NPR3: variants seen among roughly 807,000 people sequenced by gnomAD.
NPR3 encodes natriuretic peptide receptor 3.
A neutral mutation model predicts 54.5 loss-of-function variants in NPR3; 34 were observed. The ratio of observed to expected loss-of-function variants is 0.62; its 90% confidence interval spans 0.47 to 0.83. The LOEUF is 0.83. Among genes scored for constraint, NPR3 ranks in the 40% least tolerant of loss-of-function variants. The pLI is 0.00. For synonymous variants in NPR3, 289 were observed against 297.1 expected (o/e 0.97, Z 0.28); for missense variants, 674 against 720.8 (o/e 0.94, Z 0.74).
At chr5:32,731,133 T>C (rs1739427702) in intron 2 of NPR3, among the ~76,000 whole-genome samples, 1 of 152,224 alleles carries the variant, frequency 6.6e-6, no homozygotes, top group Admixed American at 6.5e-5. Context: ...TAAGAAGCCA[T>C]ACTATATGAC....
intron 1 of NPR3, among the ~76,000 whole-genome samples, chr5:32,715,433 A>G (rs1738493648): frequency 1.3e-5 from 2 of 152,210 alleles, no homozygotes; most frequent in Admixed American, 6.5e-5. Flanking sequence ...ATCTCAAATA[A>G]TAATGCGACT....
At chr5:32,760,959 G>A (rs577769050) in intron 3 of NPR3, among the ~76,000 whole-genome samples, 53 of 152,048 alleles carry the variant, frequency 3.5e-4, no homozygotes, top group Middle Eastern at 6.8e-3. Context: ...AGGTGCCTTC[G>A]TCAAAACTCA....
At chr5:32,751,997 T>C (rs546645990) in intron 3 of NPR3, among the ~76,000 whole-genome samples, 23 of 151,332 alleles carry the variant, frequency 1.5e-4, no homozygotes, top group Non-Finnish European at 2.9e-4. Flanking sequence ...AGGTCGGGAG[T>C]TCAAGACCAG....
At chr5:32,756,480 T>C (rs927010913) in intron 3 of NPR3, among the ~76,000 whole-genome samples, 4 of 152,196 alleles carry the variant, frequency 2.6e-5, no homozygotes, top group Non-Finnish European at 5.9e-5. Context: ...TTTGTTTGAG[T>C]TCTTTGTAGA....
At chr5:32,751,632 A>T (rs1390510025) in intron 3 of NPR3, among the ~76,000 whole-genome samples, 1 of 152,208 alleles carries the variant, frequency 6.6e-6, no homozygotes, top group Non-Finnish European at 1.5e-5. Context: ...AATTAAACAA[A>T]TACCCCAGTA....
chr5:32,699,552 A>T (rs1275404805), intron 1 of NPR3, among the ~76,000 whole-genome samples: 3 of 152,196 alleles, frequency 2.0e-5, no homozygotes, highest in Non-Finnish European at 4.4e-5. Flanking sequence ...TATGATTGAG[A>T]ACATGCAGTG....
intron 1 of NPR3, among the ~76,000 whole-genome samples, chr5:32,696,157 T>C (rs1030745600): frequency 6.6e-6 from 1 of 152,180 alleles, no homozygotes; most frequent in Non-Finnish European, 1.5e-5. Flanking sequence ...GTTTGAGGTC[T>C]CAGATTTGAT....
chr5:32,723,775 G>T (rs1738990782), intron 1 of NPR3, among the ~76,000 whole-genome samples: 1 of 152,046 alleles, frequency 6.6e-6, no homozygotes. Flanking sequence ...TTCATTTAGA[G>T]TTTCATCAAT....
In NPR3 at chr5:32,725,153, T is replaced by C. The variant is rs141891534; in HGVS notation, c.892+333T>C. Among the ~76,000 whole-genome samples the C allele has an allele frequency of 9.2e-3, 1,398 of 152,224 alleles. 20 individuals carry two copies. Among genetic ancestry groups the C allele is most frequent in the African/African-American group, 0.032 (1,329 of 41,526 alleles). ...GTGGGGGTGGGTTAAAAAACCCTGT[T>C]GGGTACTACGTTCACCACCTGGGTG... On this transcript the variant is annotated intron_variant, in intron 2 of 7. Coordinates refer to ENST00000265074, the MANE Select transcript of NPR3 (RefSeq NM_001204375.2).
At chr5:32,713,059 G>A (rs1443331403) in intron 1 of NPR3, 2 of 565,494 alleles carry the variant, frequency 3.5e-6, no homozygotes, top group African/African-American at 4.1e-5. Context: ...TGTTTCCACA[G>A]ACCCCAGGTT....
chr5:32,716,307 T>C (rs775976876), intron 1 of NPR3: 1 of 409,980 alleles, frequency 2.4e-6, no homozygotes, highest in Non-Finnish European at 4.8e-6. Flanking sequence ...CATTTTTCAC[T>C]CTCAATTCTT....
chr5:32,778,158 A>G (rs993631342), intron 4 of NPR3, among the ~76,000 whole-genome samples: 3 of 151,976 alleles, frequency 2.0e-5, no homozygotes, highest in African/African-American at 7.3e-5. Flanking sequence ...TGATGTCTCT[A>G]TTCTAGGGCC....
chr5:32,758,980 A>C (rs139045668), intron 3 of NPR3, among the ~76,000 whole-genome samples: 1,680 of 152,122 alleles, frequency 0.011, 31 homozygotes, highest in African/African-American at 0.039. Context: ...AGTTTGTTAT[A>C]ATTTCTGTTC....
chr5:32,691,116 T>G (rs558617357), intron 1 of NPR3, among the ~76,000 whole-genome samples: 2 of 152,336 alleles, frequency 1.3e-5, no homozygotes, highest in East Asian at 3.9e-4. Flanking sequence ...AAATGGTTGC[T>G]GTTTTAAGAT....
At chr5:32,709,787 C>A (rs1408878211), upstream of NPR3, 2 of 151,930 alleles carry the variant, frequency 1.3e-5, no homozygotes, top group African/African-American at 4.8e-5. Context: ...CCCCAGAAAC[C>A]CCAGTTTGCC....
At chr5:32,716,996 A>AAACCCCCCCC (rs1561079842) in intron 1 of NPR3, among the ~76,000 whole-genome samples, 2 of 109,668 alleles carry the variant, frequency 1.8e-5, no homozygotes, top group African/African-American at 3.7e-5. Flanking sequence ...CCATCCCCCA[A>AAACCCCCCCC]CCCCCCCACC....
At position 32,696,443 on chromosome 5, in the gene NPR3, C is replaced by CT. The variant is rs980641313; in HGVS notation, c.100+7268dup. On this transcript the variant is annotated intron_variant, in intron 1 of 5. Coordinates refer to the NPR3 transcript ENST00000509104. ...AAGTCAGGTAATGTGATTCTTCCAGCTTTTTTTTTTTCTTTTTGCTTAGGA... is the reference window on the plus strand; with the variant it reads ...AAGTCAGGTAATGTGATTCTTCCAGCTTTTTTTTTTTTCTTTTTGCTTAGGA... 2.5e-3 allele frequency among the ~76,000 whole-genome samples: 370 copies of CT among 147,252 alleles called. 2 individuals are homozygous for CT. Among genetic ancestry groups the CT allele is most frequent in the African/African-American group, 8.2e-3 (333 of 40,426 alleles).
intron 5 of NPR3, among the ~76,000 whole-genome samples, chr5:32,781,297 T>C (rs192177343): frequency 6.6e-6 from 1 of 152,188 alleles, no homozygotes; most frequent in Non-Finnish European, 1.5e-5. Flanking sequence ...AACATGGAAA[T>C]CATCATGTCT....
In NPR3 at chr5:32,732,700, A is replaced by C. The variant is rs1167287858; in HGVS notation, c.893-6164A>C. 3.9e-5 allele frequency among the ~76,000 whole-genome samples: 6 copies of C among 152,050 alleles called. No individual in the cohort carries two copies. The South Asian group carries it at 6.2e-4, about 16-fold the overall frequency. On this transcript the variant is annotated intron_variant, in intron 2 of 7. Transcript: ENST00000265074. ...TCAGTAGTAAAGGGCCTTGTTTGAA[A>C]CTTTGTGCCCTAATAATCAGATATA...
Sources: allele counts gnomAD v4.1 joint callset (sites outside exome capture counted in the v4.1 genomes callset), GRCh38; gene constraint gnomAD v4.1.1; transcripts MANE v1.5; gene names NCBI Gene and HGNC (gene_info 2026-07-23, HGNC 2026-07-21).